Variants in SLC4A4 observed in about 807,000 individuals in gnomAD.
The protein encoded by SLC4A4 is solute carrier family 4 member 4.
Under a neutral mutation model 111.5 loss-of-function variants are expected in SLC4A4, and 27 were observed. That is an observed-to-expected ratio of 0.24 (90% CI 0.18 to 0.33). The LOEUF (loss-of-function observed/expected upper bound fraction) is 0.33, where lower values mean the gene tolerates loss of function less well. Among genes scored for constraint, SLC4A4 ranks in the 10% least tolerant of loss-of-function variants. The pLI is 1.00. For synonymous variants in SLC4A4, 443 were observed against 463.4 expected (o/e 0.96, Z 0.57); for missense variants, 909 against 1,315.5 (o/e 0.69, Z 4.78).
chr4:71,116,729 A>C lies in SLC4A4; in HGVS notation c.-2+23937A>C, dbSNP rs556339459. On this transcript the variant is annotated intron_variant, in intron 2 of 26. Coordinates refer to the SLC4A4 transcript ENST00000649996. Reference sequence around the variant, plus strand: ...GAGGCTGAGGTGGGTGGATCACCTGAGGTTGCGAGTTCGAGACCAGCCTGA... The same window carrying C: ...GAGGCTGAGGTGGGTGGATCACCTGCGGTTGCGAGTTCGAGACCAGCCTGA... Among the ~76,000 whole-genome samples, 7 of 152,156 alleles carry C rather than the reference A, an allele frequency of 4.6e-5. No homozygotes were observed. The South Asian group carries it at 1.4e-3, about 31-fold the overall frequency.
At chr4:71,397,293 T>C (rs1346064608) in intron 6 of SLC4A4, among the ~76,000 whole-genome samples, 1 of 152,222 alleles carries the variant, frequency 6.6e-6, no homozygotes, top group African/African-American at 2.4e-5. Context: ...ACAATTTTAT[T>C]TTTATGCTTA....
At chr4:71,144,442 T>G (rs1013652213) in intron 2 of SLC4A4, among the ~76,000 whole-genome samples, 1 of 152,194 alleles carries the variant, frequency 6.6e-6, no homozygotes, top group Non-Finnish European at 1.5e-5. Context: ...TCTTTTTTGG[T>G]TCCTTATGAA....
At chr4:71,564,307 G>A (rs1321611735) in intron 24 of SLC4A4, among the ~76,000 whole-genome samples, 1 of 151,608 alleles carries the variant, frequency 6.6e-6, no homozygotes, top group Non-Finnish European at 1.5e-5. Flanking sequence ...GTCTCTCAGT[G>A]ATCAATAAAT....
chr4:71,213,891 C>A (rs62304062), intron 1 of SLC4A4, among the ~76,000 whole-genome samples: 335 of 152,294 alleles, frequency 2.2e-3, no homozygotes, highest in Non-Finnish European at 4.0e-3. Context: ...GGATCTTGGA[C>A]GTCCAAGTCT....
At chr4:71,099,061 A>C (rs542132017) in intron 2 of SLC4A4, among the ~76,000 whole-genome samples, 1 of 152,162 alleles carries the variant, frequency 6.6e-6, no homozygotes. Flanking sequence ...GACGCAGAAC[A>C]TTAACAAAAA....
At chr4:71,472,510 A>G (rs1379825394) in intron 13 of SLC4A4, among the ~76,000 whole-genome samples, 189 bp from the exon 14 acceptor site, 3 of 151,946 alleles carry the variant, frequency 2.0e-5, no homozygotes, top group South Asian at 4.1e-4. Flanking sequence ...TTTTATTGCT[A>G]TTTTAAAAAT....
chr4:71,385,815 C>A (rs1718660163), intron 6 of SLC4A4, among the ~76,000 whole-genome samples: 1 of 152,176 alleles, frequency 6.6e-6, no homozygotes, highest in African/African-American at 2.4e-5. Context: ...CTCCTCTCTT[C>A]CCTATGTTGC....
chr4:71,508,068 C>T (rs1731578267), intron 16 of SLC4A4, among the ~76,000 whole-genome samples: 1 of 152,112 alleles, frequency 6.6e-6, no homozygotes, highest in Admixed American at 6.5e-5. Flanking sequence ...ACCAGAATCA[C>T]TAGGATGTAG....
chr4:71,509,116 G>A (rs1731678050), intron 16 of SLC4A4, among the ~76,000 whole-genome samples: 3 of 152,192 alleles, frequency 2.0e-5, no homozygotes, highest in Admixed American at 1.3e-4. Flanking sequence ...AATAATGACA[G>A]CCATGTATGA....
At chr4:71,253,165 A>G (rs1721194877) in intron 2 of SLC4A4, among the ~76,000 whole-genome samples, 1 of 152,170 alleles carries the variant, frequency 6.6e-6, no homozygotes, top group East Asian at 1.9e-4. Context: ...TGACAACTCA[A>G]AGTAGGTTCC....
intron 1 of SLC4A4, chr4:71,233,413 T>A: frequency 2.1e-6 from 1 of 466,722 alleles, no homozygotes; most frequent in Non-Finnish European, 2.8e-6. Flanking sequence ...GTAGCAGTAC[T>A]CTCCTTTTGT....
At chr4:71,397,035 T>A (rs1057192822) in intron 6 of SLC4A4, among the ~76,000 whole-genome samples, 1 of 152,172 alleles carries the variant, frequency 6.6e-6, no homozygotes, top group Non-Finnish European at 1.5e-5. Context: ...TGAGAAATAT[T>A]CTTGATCCAA....
intron 3 of SLC4A4, among the ~76,000 whole-genome samples, chr4:71,309,827 A>G (rs1578805061): frequency 6.6e-6 from 1 of 152,048 alleles, no homozygotes; most frequent in Non-Finnish European, 1.5e-5. Flanking sequence ...GGGACACCGA[A>G]TGAGTTTGAT....
At position 71,545,252 on chromosome 4, in the gene SLC4A4, G is replaced by A. The variant is rs182379741; in HGVS notation, c.2443-1098G>A. On this transcript the variant is annotated intron_variant, in intron 18 of 25. Transcript: ENST00000264485. ...AGAACATGATTAGATCCATGTGCGT[G>A]AGCCAGGGGTGAAATCTTGGCATTT... Among the ~76,000 whole-genome samples the A allele has an allele frequency of 1.1e-4, 17 of 152,108 alleles. No individual in the cohort carries two copies. In the East Asian group the frequency reaches 2.5e-3, roughly 23 times the overall value.
Position 71,080,173 on chromosome 4 carries a change from A to G in SLC4A4, c.-64-12557A>G, listed in dbSNP as rs560844984. On this transcript the variant is annotated intron_variant, in intron 1 of 26. Transcript: ENST00000649996. ...GACAGCAGGAGTGCAGCATGCAAGC[A>G]TCTCTCCTGGTCCCCATGTGATCTG... Among the ~76,000 whole-genome samples, 199 of 152,212 alleles carry G rather than the reference A, an allele frequency of 1.3e-3. 2 individuals are homozygous for G. Among genetic ancestry groups the G allele is most frequent in the Middle Eastern group, 6.8e-3 (2 of 294 alleles).
intron 6 of SLC4A4, among the ~76,000 whole-genome samples, chr4:71,382,158 G>A (rs932304275): frequency 1.4e-4 from 21 of 151,490 alleles, no homozygotes; most frequent in African/African-American, 4.4e-4. Flanking sequence ...AGGAGTGAAT[G>A]TAATTTTTAT....
At chr4:71,415,009 GA>G (rs2149007404) in intron 7 of SLC4A4, among the ~76,000 whole-genome samples, 1 of 152,306 alleles carries the variant, frequency 6.6e-6, no homozygotes, top group East Asian at 1.9e-4. Context: ...TTATCATGAG[GA>G]ATTATATTAT....
At position 71,088,052 on chromosome 4, in the gene SLC4A4, AG is replaced by A. The variant is rs1742245380; in HGVS notation, c.-64-4676del. Among the ~76,000 whole-genome samples, 3 of 152,028 alleles carry A rather than the reference AG, an allele frequency of 2.0e-5. No homozygotes were observed. The East Asian group carries it at 5.8e-4, about 29-fold the overall frequency. On this transcript the variant is annotated intron_variant, in intron 1 of 26. Coordinates refer to the SLC4A4 transcript ENST00000649996. ...TGTGTGGGAGTCTAAGTCTCTTTGT[AG>A]GTCTCTAAGGACTTGCTTTATGAAT...
chr4:71,242,697 T>G (rs1400491680), intron 2 of SLC4A4, among the ~76,000 whole-genome samples: 1 of 151,562 alleles, frequency 6.6e-6, no homozygotes, highest in African/African-American at 2.4e-5. Context: ...GTTATTATAA[T>G]TTTCTTTTAA....
Sources: allele counts gnomAD v4.1 joint callset (sites outside exome capture counted in the v4.1 genomes callset), GRCh38; gene constraint gnomAD v4.1.1; transcripts MANE v1.5; gene names NCBI Gene and HGNC (gene_info 2026-07-23, HGNC 2026-07-21).